Variants in KLF7 observed in about 807,000 individuals in gnomAD.
KLF7 encodes Krueppel-like factor 7.
In KLF7, 2 loss-of-function variants were observed where a neutral mutation model predicts 27.3. The ratio of observed to expected loss-of-function variants is 0.07; its 90% CI spans 0.03 to 0.23. The LOEUF (loss-of-function observed/expected upper bound fraction) is 0.23, where lower values mean the gene tolerates loss of function less well. KLF7 is among the 10% of genes least tolerant of loss of function. KLF7 has a pLI of 1.00. For synonymous variants in KLF7, 165 were observed against 162.4 expected (o/e 1.02, Z -0.12); for missense variants, 221 against 394.1 (o/e 0.56, Z 3.72).
intron 1 of KLF7, among the ~76,000 whole-genome samples, chr2:207,155,516 C>T (rs1041413725): frequency 7.9e-5 from 12 of 152,164 alleles, no homozygotes; most frequent in African/African-American, 2.9e-4. Flanking sequence ...ACCCTGAGCC[C>T]TTCAGAACAA....
chr2:207,078,388 G>C lies in KLF7; in HGVS notation c.*2825C>G, dbSNP rs1255825659. 1 of 152,168 alleles carries C rather than the reference G, an allele frequency of 6.6e-6. No homozygotes were observed. Among genetic ancestry groups the C allele is most frequent in the Non-Finnish European group, 1.5e-5 (1 of 68,028 alleles). The allele number at this position is 152,168 out of a possible 1,614,324, so 9.4% of individuals were successfully genotyped here. A position where few individuals can be genotyped will look rare whatever the true frequency, so the allele number is the denominator to read the frequency against. On this transcript the variant is annotated 3_prime_UTR_variant, in exon 4 of 4. Coordinates refer to ENST00000309446, the MANE Select transcript of KLF7 (RefSeq NM_003709.4). ...TTTCAGACACTGATGAGGACCAAAGGGCCTTTGTTCTGCCACATTCAAATG... is the reference window on the plus strand; with the variant it reads ...TTTCAGACACTGATGAGGACCAAAGCGCCTTTGTTCTGCCACATTCAAATG...
At chr2:207,139,763 T>C (rs1364583387) in intron 1 of KLF7, among the ~76,000 whole-genome samples, 2 of 152,268 alleles carry the variant, frequency 1.3e-5, no homozygotes, top group Non-Finnish European at 2.9e-5. Flanking sequence ...TTCTCTCTGG[T>C]CATTGCAAGT....
chr2:207,089,955 T>A (rs1032772586), intron 2 of KLF7, among the ~76,000 whole-genome samples: 5 of 152,226 alleles, frequency 3.3e-5, no homozygotes, highest in African/African-American at 9.6e-5. Context: ...AAGGAGACAT[T>A]ACCCAGGTAC....
chr2:207,138,643 TC>T (rs2077853779), intron 1 of KLF7, among the ~76,000 whole-genome samples: 1 of 152,210 alleles, frequency 6.6e-6, no homozygotes, highest in African/African-American at 2.4e-5. Context: ...AATTAAGAAT[TC>T]TTTTTTGGCA....
intron 1 of KLF7, among the ~76,000 whole-genome samples, chr2:207,131,723 T>C (rs1263671): frequency 0.17 from 26,222 of 152,124 alleles, 2,355 homozygotes; most frequent in South Asian, 0.27. Context: ...TCTGACACAT[T>C]CCTAGGCTTT....
intron 1 of KLF7, among the ~76,000 whole-genome samples, chr2:207,133,777 C>T (rs746199742): frequency 6.6e-6 from 1 of 152,164 alleles, no homozygotes; most frequent in Non-Finnish European, 1.5e-5. Flanking sequence ...CCCAAACTCA[C>T]ATTACTCGCC....
intron 1 of KLF7, chr2:207,149,162 T>G: frequency 7.8e-7 from 1 of 1,288,492 alleles, no homozygotes; most frequent in Non-Finnish European, 1.0e-6. Flanking sequence ...AATAAGAAAC[T>G]GGTGTGTTTT....
rs530187429 is a variant in KLF7 at position 207,142,198 on chromosome 2, GCTA to G, written c.103-17797_103-17795del. ...AATTTTTTAAAAATCTTGATTAGGA[GCTA>G]CTATTATTTTTCATTGCATGCTCTT... On this transcript the variant is annotated intron_variant, in intron 1 of 3. Transcript: ENST00000309446. Among the ~76,000 whole-genome samples, 15 of 152,256 alleles carry G rather than the reference GCTA, an allele frequency of 9.9e-5. No individual in the cohort carries two copies. The South Asian group carries it at 2.3e-3, about 23-fold the overall frequency.
chr2:207,170,880 C>G (rs1458556040), upstream of KLF7, among the ~76,000 whole-genome samples: 1 of 151,728 alleles, frequency 6.6e-6, no homozygotes, highest in Non-Finnish European at 1.5e-5. Context: ...GTTGTCATGC[C>G]TAGCTAACAC....
intron 2 of KLF7, among the ~76,000 whole-genome samples, chr2:207,093,645 A>G (rs974284690): frequency 6.6e-6 from 1 of 152,226 alleles, no homozygotes; most frequent in African/African-American, 2.4e-5. Flanking sequence ...CATAAGCTTC[A>G]TGCAGACATC....
At chr2:207,160,155 A>C (rs1375438083) in intron 1 of KLF7, among the ~76,000 whole-genome samples, 3 of 152,208 alleles carry the variant, frequency 2.0e-5, no homozygotes, top group Non-Finnish European at 2.9e-5. Flanking sequence ...CAACTTTAAC[A>C]CCATTAGTAG....
chr2:207,090,808 A>C (rs901554450), intron 2 of KLF7, among the ~76,000 whole-genome samples: 1 of 152,210 alleles, frequency 6.6e-6, no homozygotes, highest in Non-Finnish European at 1.5e-5. Flanking sequence ...ACCCTGCAGG[A>C]GAGACATGTT....
chr2:207,150,621 T>C (rs2078216354), intron 1 of KLF7, among the ~76,000 whole-genome samples: 2 of 152,252 alleles, frequency 1.3e-5, no homozygotes, highest in African/African-American at 4.8e-5. Context: ...GCACTTCATA[T>C]GGGAAATATA....
At chr2:207,093,898 G>T (rs1023566161) in intron 2 of KLF7, among the ~76,000 whole-genome samples, 2 of 152,178 alleles carry the variant, frequency 1.3e-5, no homozygotes, top group Non-Finnish European at 2.9e-5. Flanking sequence ...CTAAAATGTG[G>T]TAAGTTTTCC....
At chr2:207,161,235 T>C (rs958004153) in intron 1 of KLF7, among the ~76,000 whole-genome samples, 1 of 152,240 alleles carries the variant, frequency 6.6e-6, no homozygotes, top group Non-Finnish European at 1.5e-5. Flanking sequence ...AGTGATTGCA[T>C]CTTCATAAAG....
chr2:207,098,778 ATTTTTTTT>A (rs1182598901), intron 2 of KLF7, among the ~76,000 whole-genome samples: 2 of 104,676 alleles, frequency 1.9e-5, no homozygotes, highest in Admixed American at 1.2e-4. Context: ...CACTTGGCTA[ATTTTTTTT>A]TTTTTTTTTT....
chr2:207,153,832 C>T (rs908276598), intron 1 of KLF7, among the ~76,000 whole-genome samples: 5 of 152,096 alleles, frequency 3.3e-5, no homozygotes, highest in African/African-American at 1.2e-4. Context: ...ACTTTCCTTC[C>T]CTGGTTTCTC....
intron 2 of KLF7, among the ~76,000 whole-genome samples, chr2:207,095,283 C>G (rs944483762): frequency 6.6e-6 from 1 of 151,964 alleles, no homozygotes; most frequent in Non-Finnish European, 1.5e-5. Context: ...CTCCTGACCT[C>G]GTGATCCGCC....
chr2:207,093,238 A>G (rs1490556693), intron 2 of KLF7, among the ~76,000 whole-genome samples: 1 of 152,250 alleles, frequency 6.6e-6, no homozygotes, highest in East Asian at 1.9e-4. Flanking sequence ...AAAAAGGTTA[A>G]GATGAAATTA....
Sources: allele counts gnomAD v4.1 joint callset (sites outside exome capture counted in the v4.1 genomes callset), GRCh38; gene constraint gnomAD v4.1.1; transcripts MANE v1.5; gene names NCBI Gene and HGNC (gene_info 2026-07-23, HGNC 2026-07-21).